ATP11C: variants seen among roughly 807,000 people sequenced by gnomAD.
The protein encoded by ATP11C is ATPase phospholipid transporting 11C (ATP11C blood group), also known as phospholipid-transporting ATPase IG.
ATP11C carries 36 observed loss-of-function variants against 97.4 expected under a neutral mutation model. The observed-to-expected ratio is 0.37, with a 90% CI of 0.28 to 0.49. ATP11C has a LOEUF of 0.49. Ranked by LOEUF, ATP11C falls within the 20% of genes least tolerant of loss-of-function variation. The pLI is 0.98. For synonymous variants in ATP11C, 275 were observed against 290.9 expected (o/e 0.95, Z 0.56); for missense variants, 730 against 824.6 (o/e 0.89, Z 1.40).
intron 22 of ATP11C, among the ~76,000 whole-genome samples, chrX:139,760,330 A>C (rs762635750): frequency 2.8e-5 from 3 of 106,746 alleles, no homozygotes; most frequent in African/African-American, 7.7e-5. Flanking sequence ...TTCCTCCTCC[A>C]CAGTGTTTGG....
At chrX:139,781,009 C>T (rs2082444348) in intron 18 of ATP11C, among the ~76,000 whole-genome samples, 1 of 111,086 alleles carries the variant, frequency 9.0e-6, no homozygotes. Flanking sequence ...TCAATGGAAG[C>T]CCAAACCCCA....
intron 1 of ATP11C, among the ~76,000 whole-genome samples, chrX:139,894,051 G>A (rs1170181469): frequency 9.0e-6 from 1 of 111,375 alleles, no homozygotes; most frequent in Non-Finnish European, 1.9e-5. Flanking sequence ...TAACTCCAAA[G>A]CAAAAGAAGG....
At chrX:139,916,308 G>A (rs1569491922) in intron 1 of ATP11C, among the ~76,000 whole-genome samples, 1 of 110,602 alleles carries the variant, frequency 9.0e-6, no homozygotes, top group Non-Finnish European at 1.9e-5. Flanking sequence ...TTATAAATGG[G>A]AAGATTAGAA....
intron 22 of ATP11C, among the ~76,000 whole-genome samples, chrX:139,760,015 C>G (rs1364395314): frequency 9.0e-6 from 1 of 111,505 alleles, no homozygotes; most frequent in African/African-American, 3.3e-5. Context: ...AGAGAATAAC[C>G]CTTTATTTCC....
intron 1 of ATP11C, among the ~76,000 whole-genome samples, chrX:139,876,389 TA>T (rs1157676915): frequency 2.7e-5 from 3 of 112,223 alleles, no homozygotes; most frequent in African/African-American, 9.7e-5. Flanking sequence ...AACAAGGCAG[TA>T]CCTTAGGCAG....
chrX:139,827,951 A>T (rs2083565473), intron 1 of ATP11C, among the ~76,000 whole-genome samples: 1 of 111,830 alleles, frequency 8.9e-6, no homozygotes, highest in African/African-American at 3.2e-5. Context: ...AAAAATTAAA[A>T]ATCACCCCCC....
chrX:139,778,739 A>G (rs780557889), intron 18 of ATP11C, among the ~76,000 whole-genome samples: 1 of 111,378 alleles, frequency 9.0e-6, no homozygotes. Context: ...CTGAGGCAGG[A>G]GAATGGTTTG....
upstream of ATP11C, among the ~76,000 whole-genome samples, chrX:139,936,325 C>G (rs764665508): frequency 9.0e-6 from 1 of 111,456 alleles, no homozygotes; most frequent in Admixed American, 9.6e-5. Context: ...TGCCTCCTCA[C>G]AGTTTCCAAA....
rs1276136008 is a variant in ATP11C, at chrX:139,739,291, G to GTT, written c.3135-1224_3135-1223dup. On this transcript the variant is annotated intron_variant, in intron 27 of 29. Transcript: ENST00000682941. ...TGACTAATGCATCCAGTTGTTTTTT[G>GTT]TTTTTTTTTTTTAACCTCCATGTCA... Among the ~76,000 whole-genome samples the GTT allele has an allele frequency of 5.0e-5, 5 of 100,484 alleles. No homozygotes were observed. The South Asian group carries it at 1.9e-3, about 38-fold the overall frequency. 87.3% of individuals were successfully genotyped at this position (100,484 alleles called of 115,157 possible).
chrX:139,854,770 T>C (rs914822151), intron 1 of ATP11C, among the ~76,000 whole-genome samples: 2 of 112,184 alleles, frequency 1.8e-5, no homozygotes, highest in African/African-American at 3.2e-5. Flanking sequence ...GGCATAAGAA[T>C]GTGGATTTTT....
At chrX:139,894,985 G>A (rs923695742) in intron 1 of ATP11C, among the ~76,000 whole-genome samples, 1 of 111,713 alleles carries the variant, frequency 9.0e-6, no homozygotes, top group African/African-American at 3.3e-5. Flanking sequence ...GAACCCAGGA[G>A]GCAGAGGTTG....
intron 1 of ATP11C, among the ~76,000 whole-genome samples, chrX:139,878,751 C>T (rs1380033005): frequency 9.0e-6 from 1 of 110,543 alleles, no homozygotes; most frequent in East Asian, 2.9e-4. Context: ...AGGATTTCAC[C>T]AGTGAATGGA....
chrX:139,869,863 GATA>G (rs1245304201), intron 1 of ATP11C, among the ~76,000 whole-genome samples: 1 of 74,542 alleles, frequency 1.3e-5, no homozygotes, highest in African/African-American at 5.2e-5. Context: ...GAAATGAAGA[GATA>G]ATAAGTAAAA....
intron 15 of ATP11C, among the ~76,000 whole-genome samples, chrX:139,785,848 G>A (rs1330761346): frequency 9.0e-6 from 1 of 111,639 alleles, no homozygotes; most frequent in Non-Finnish European, 1.9e-5. Flanking sequence ...TTTCCTGGAA[G>A]AGGACATGCC....
rs1450816519 is a variant in ATP11C at position 139,749,881 on chromosome X, C to A, written c.2828+144G>T. On this transcript the variant is annotated intron_variant, in intron 24 of 29. Transcript: ENST00000682941. ...TGTCATTTTCCTGTTGAGCAGTCTG[C>A]TTTCAATAGCTAAAAATTCCAAACA... 5 of 557,573 alleles carry A rather than the reference C, an allele frequency of 9.0e-6. No homozygotes were observed. The South Asian group carries it at 1.5e-4, about 17-fold the overall frequency. 46.0% of individuals were successfully genotyped at this position (557,573 alleles called of 1,213,427 possible).
intron 12 of ATP11C, among the ~76,000 whole-genome samples, chrX:139,795,362 G>A (rs985606893): frequency 2.7e-5 from 3 of 111,581 alleles, no homozygotes; most frequent in Non-Finnish European, 3.8e-5. Context: ...CATGGACTGC[G>A]GAGAGGCCTA....
chrX:139,781,607 C>A (rs1010954908), intron 18 of ATP11C, among the ~76,000 whole-genome samples: 7 of 111,460 alleles, frequency 6.3e-5, no homozygotes, highest in Admixed American at 3.8e-4. Context: ...CAGCTAGCTA[C>A]CCCGGTGGCT....
chrX:139,894,854 C>T (rs970567282), intron 1 of ATP11C, among the ~76,000 whole-genome samples: 10 of 111,584 alleles, frequency 9.0e-5, no homozygotes, highest in Non-Finnish European at 1.7e-4. Flanking sequence ...TCACATTCTT[C>T]GAGACCAGCC....
At chrX:139,768,204 G>T in intron 20 of ATP11C, 56 bp downstream of exon 20, 1 of 855,509 alleles carries the variant, frequency 1.2e-6, no homozygotes. Flanking sequence ...ATAAACATTT[G>T]CACATATATG....
Sources: allele counts gnomAD v4.1 joint callset (sites outside exome capture counted in the v4.1 genomes callset), GRCh38; gene constraint gnomAD v4.1.1; transcripts MANE v1.5; gene names NCBI Gene and HGNC (gene_info 2026-07-23, HGNC 2026-07-21).